PLCG2: variants seen among roughly 807,000 people sequenced by gnomAD.
PLCG2 encodes the protein phospholipase C gamma 2, also known as 1-phosphatidylinositol 4,5-bisphosphate phosphodiesterase gamma-2.
PLCG2 carries 69 observed loss-of-function variants against 175.6 expected under a neutral mutation model. The observed-to-expected ratio is 0.39, with a 90% confidence interval of 0.32 to 0.48. The LOEUF (loss-of-function observed/expected upper bound fraction) is 0.48, where lower values mean the gene tolerates loss of function less well. Among genes scored for constraint, PLCG2 ranks in the 20% least tolerant of loss-of-function variants. The probability of loss-of-function intolerance (pLI) is 0.91; values close to 1 mark genes in which losing one functional copy is unlikely to be tolerated. For missense variants in PLCG2, 1,798 were observed against 1,650.9 expected, an observed-to-expected ratio of 1.09 and a Z score of -1.54; for synonymous variants, 827 against 624.0, an observed-to-expected ratio of 1.33 and a Z score of -4.85.
chr16:81,885,301 G>C (rs181056909), intron 9 of PLCG2, among the ~76,000 whole-genome samples: 1 of 150,756 alleles, frequency 6.6e-6, no homozygotes, highest in African/African-American at 2.5e-5. Flanking sequence ...TGGGATTACA[G>C]GTGTGAGCCA....
chr16:81,935,879 T>C, intron 26 of PLCG2: 1 of 985,346 alleles, frequency 1.0e-6, no homozygotes, highest in South Asian at 4.7e-5. Context: ...GTACCACTTT[T>C]GTGTTTTCTT....
In PLCG2 at chr16:81,960,335, G is replaced by C. The variant is rs1454835672; in HGVS notation, c.*2337G>C. ...CTTCCTACATGACTGTTAAAGCACA[G>C]CCAATCCAGGCCAAGAAGACTAGTA... is the stretch of plus-strand genomic sequence containing the variant. On this transcript the variant is annotated 3_prime_UTR_variant, in exon 33 of 33. Coordinates refer to ENST00000564138, the MANE Select transcript of PLCG2 (RefSeq NM_002661.5). The C allele has an allele frequency of 1.8e-5, 4 of 219,114 alleles. No individual in the cohort carries two copies. Among genetic ancestry groups the C allele is most frequent in the Non-Finnish European group, 3.7e-5 (4 of 109,432 alleles). 13.6% of individuals were successfully genotyped at this position (219,114 alleles called of 1,614,324 possible). A position where few individuals can be genotyped will look rare whatever the true frequency, so the allele number is the denominator to read the frequency against.
In PLCG2 at chr16:81,883,603, A is replaced by G. The variant is rs1908203285; in HGVS notation, c.765+262A>G. ...GAAGGCACACATTGAGGATGAGAAG[A>G]CTGAGAAGATGGCAGGGCAGGAGGG... On this transcript the variant is annotated intron_variant, in intron 9 of 32. Transcript: ENST00000564138. 9.7e-6 allele frequency: 5 copies of G among 518,018 alleles called. No homozygotes were observed. In the East Asian group the frequency reaches 1.7e-4, roughly 18 times the overall value. 32.1% of individuals were successfully genotyped at this position (518,018 alleles called of 1,614,324 possible).
Position 81,869,217 on chromosome 16 carries a change from C to T in PLCG2, c.483C>T (p.Ile161=). 1 of 1,613,068 alleles carries T rather than the reference C, an allele frequency of 6.2e-7. No individual in the cohort carries two copies. The highest frequency in any genetic ancestry group is 8.5e-7 in the Non-Finnish European group (1 of 1,178,986). Residue 161 remains isoleucine (I), a synonymous_variant, in exon 6 of 33, where the codon ATC becomes ATT. Transcript: ENST00000564138. ...ACTGGGTCTCCCTCTTTTGCAGCAT[C>T]AGTCTCCGAGAGTTGAAGACCATCT... The part of the protein sequence containing the change: ...YSVDQTRRNS[I]SLRELKTILP...
At chr16:81,819,295 T>G (rs1904690624) in intron 2 of PLCG2, among the ~76,000 whole-genome samples, 2 of 152,174 alleles carry the variant, frequency 1.3e-5, no homozygotes, top group Admixed American at 1.3e-4. Flanking sequence ...GGGTGTTGGA[T>G]TCCCAGGTGT....
At chr16:81,745,730 T>C (rs550671169) in intron 1 of PLCG2, among the ~76,000 whole-genome samples, 4 of 152,246 alleles carry the variant, frequency 2.6e-5, no homozygotes, top group African/African-American at 7.2e-5. Context: ...AATCTCAGGT[T>C]CTGACCTTGG....
chr16:81,862,894 A>T (rs1455608369), intron 5 of PLCG2, among the ~76,000 whole-genome samples: 1 of 152,190 alleles, frequency 6.6e-6, no homozygotes, highest in Admixed American at 6.5e-5. Context: ...AAAACAAAAC[A>T]AAACCAAAAA....
In PLCG2 at chr16:81,904,401, TACAG is replaced by T. The variant is rs1477000365; in HGVS notation, c.1363-999_1363-996del. On this transcript the variant is annotated intron_variant, in intron 14 of 32. Transcript: ENST00000564138. ...TCACCAGGTTACATGACCCTCAACT[TACAG>T]ACGCTTGCCTGCGTGGGAGTCCAGG... Among the ~76,000 whole-genome samples the T allele has an allele frequency of 8.5e-5, 13 of 152,348 alleles. No homozygotes were observed. In the East Asian group the frequency reaches 2.5e-3, roughly 29 times the overall value.
intron 2 of PLCG2, among the ~76,000 whole-genome samples, chr16:81,769,993 A>G (rs1191912928): frequency 6.6e-6 from 1 of 152,180 alleles, no homozygotes; most frequent in Non-Finnish European, 1.5e-5. Flanking sequence ...GTGAGGATGA[A>G]ATACATTGAC....
intron 2 of PLCG2, among the ~76,000 whole-genome samples, chr16:81,772,637 C>A (rs1290221829): frequency 7.3e-6 from 1 of 137,740 alleles, no homozygotes; most frequent in African/African-American, 2.7e-5. Flanking sequence ...TGGTGAAACC[C>A]TGTTTCTACT....
chr16:81,858,421 A>G lies in PLCG2; in HGVS notation c.431+65A>G, dbSNP rs545039146. ...TCCTTTATTCTGCTGCCTTTAGCCAACATGGGCTACAGGGGGGAAAAAAAA... is the reference window on the plus strand; with the variant it reads ...TCCTTTATTCTGCTGCCTTTAGCCAGCATGGGCTACAGGGGGGAAAAAAAA... On this transcript the variant is annotated intron_variant, in intron 4 of 32. Transcript: ENST00000564138. 1.0e-3 allele frequency: 1,136 copies of G among 1,124,744 alleles called. 1 individual carries two copies. Among genetic ancestry groups the G allele is most frequent in the Middle Eastern group, 1.9e-3 (10 of 5,134 alleles). 69.7% of individuals were successfully genotyped at this position (1,124,744 alleles called of 1,614,324 possible).
chr16:81,751,334 A>G lies in PLCG2; in HGVS notation c.-144-4536A>G, dbSNP rs144714635. Among the ~76,000 whole-genome samples, 22 of 152,296 alleles carry G rather than the reference A, an allele frequency of 1.4e-4. 1 individual carries two copies. Among genetic ancestry groups the G allele is most frequent in the African/African-American group, 4.1e-4 (17 of 41,566 alleles). ...TTCTGTCATTTGCGACAACATGGAT[A>G]AAGATGGAGAACATTATGCTAAGTG... On this transcript the variant is annotated intron_variant, in intron 1 of 5. Transcript: ENST00000565054.
At chr16:81,883,138 C>T (rs539447446) in intron 8 of PLCG2, 131 bp from the exon 9 acceptor site, 2 of 729,582 alleles carry the variant, frequency 2.7e-6, no homozygotes, top group African/African-American at 1.7e-5. Flanking sequence ...GTTGGCCAAC[C>T]TGGTACCTAA....
chr16:81,924,077 C>T (rs1229643750), intron 22 of PLCG2, among the ~76,000 whole-genome samples: 1 of 152,214 alleles, frequency 6.6e-6, no homozygotes. Context: ...TCCATAGTCC[C>T]GTGCTGTGTG....
At chr16:81,760,965 G>A (rs1460194432) in intron 2 of PLCG2, among the ~76,000 whole-genome samples, 1 of 152,040 alleles carries the variant, frequency 6.6e-6, no homozygotes, top group Non-Finnish European at 1.5e-5. Flanking sequence ...ATGCAGTGGC[G>A]TGATCTCAGC....
chr16:81,781,353 A>G (rs2143152814), intron 1 of PLCG2, among the ~76,000 whole-genome samples: 1 of 151,810 alleles, frequency 6.6e-6, no homozygotes, highest in Non-Finnish European at 1.5e-5. Context: ...AGCGTTCTTC[A>G]GTGCATGTGC....
chr16:81,863,778 C>T (rs1021736007), intron 5 of PLCG2, among the ~76,000 whole-genome samples: 2 of 152,224 alleles, frequency 1.3e-5, no homozygotes, highest in African/African-American at 4.8e-5. Context: ...ATTGGATTTG[C>T]ATAAGTAGAA....
chr16:81,758,695 T>C (rs576388580), intron 2 of PLCG2, among the ~76,000 whole-genome samples: 1 of 150,508 alleles, frequency 6.6e-6, no homozygotes, highest in South Asian at 2.1e-4. Flanking sequence ...TTTTTTTTCC[T>C]GAGACAGAGT....
At chr16:81,771,281 A>G (rs2143110031) in intron 2 of PLCG2, among the ~76,000 whole-genome samples, 1 of 152,262 alleles carries the variant, frequency 6.6e-6, no homozygotes, top group Non-Finnish European at 1.5e-5. Flanking sequence ...AGGCTGGAGT[A>G]CACTGGTGTT....
Sources: gnomAD v4.1 joint callset for allele counts (sites outside exome capture counted in the v4.1 genomes callset) on GRCh38, gnomAD v4.1.1 for gene constraint, MANE v1.5 for transcripts, NCBI Gene and HGNC (gene_info 2026-07-23, HGNC 2026-07-21) for gene names.